SAXO4: variants seen among roughly 807,000 people sequenced by gnomAD.
The protein encoded by SAXO4 is protein phosphatase 1 regulatory subunit 32.
At chr11:61,481,367 G>A in the SAXO4 span, among the ~76,000 whole-genome samples, 1 of 152,168 alleles carries the variant, frequency 6.6e-6, no homozygotes, top group Non-Finnish European at 1.5e-5. Context: ...GACTTCTTGG[G>A]TGGGGGCCAA....
At chr11:61,481,684 G>A in the SAXO4 span, 1 of 544,030 alleles carries the variant, frequency 1.8e-6, no homozygotes. Context: ...TGGGAGAAGG[G>A]GCCAGCTGCG....
chr11:61,484,404 C>T, the SAXO4 span, among the ~76,000 whole-genome samples: 6 of 152,310 alleles, frequency 3.9e-5, no homozygotes, highest in Non-Finnish European at 4.4e-5. Context: ...GCAGTGCCAA[C>T]AGCAAGTGCA....
the SAXO4 span, chr11:61,482,657 A>T: frequency 5.0e-6 from 8 of 1,613,812 alleles, no homozygotes; most frequent in Non-Finnish European, 6.8e-6. Context: ...ACCCTCAGGG[A>T]ACAAGCCCAG....
chr11:61,490,767 AC>A, the SAXO4 span: 4 of 608,194 alleles, frequency 6.6e-6, no homozygotes, highest in Non-Finnish European at 1.2e-5. Context: ...ACACAGAACC[AC>A]CCCAGAGCCC....
the SAXO4 span, chr11:61,486,448 A>G: frequency 1.2e-6 from 2 of 1,613,450 alleles, no homozygotes; most frequent in Non-Finnish European, 1.7e-6. Flanking sequence ...GGCGGGGAGC[A>G]GTTAGAACAT....
the SAXO4 span, chr11:61,484,719 A>T: frequency 6.2e-7 from 1 of 1,613,754 alleles, no homozygotes; most frequent in South Asian, 1.1e-5. Flanking sequence ...ACCCAGGAGC[A>T]CGGGCCTCAG....
At chr11:61,481,737 G>A in the SAXO4 span, 12 of 840,646 alleles carry the variant, frequency 1.4e-5, no homozygotes, top group East Asian at 2.8e-4. Flanking sequence ...GTGGGCTTCC[G>A]AGCCAGGCTT....
chr11:61,481,770 C>T, the SAXO4 span: 1 of 1,246,620 alleles, frequency 8.0e-7, no homozygotes, highest in Non-Finnish European at 1.1e-6. Flanking sequence ...GCTCCCCGTG[C>T]TTCCTTTCTA....
chr11:61,482,818 G>A, the SAXO4 span: 2 of 1,590,838 alleles, frequency 1.3e-6, no homozygotes, highest in South Asian at 2.3e-5. Flanking sequence ...GGTCAGTGCT[G>A]GGCCAGGGCC....
the SAXO4 span, among the ~76,000 whole-genome samples, chr11:61,481,628 G>A: frequency 2.0e-5 from 3 of 152,210 alleles, no homozygotes; most frequent in South Asian, 2.1e-4. Flanking sequence ...GATCGGTTTC[G>A]TCCTTAGTTT....
chr11:61,487,759 C>T, the SAXO4 span, among the ~76,000 whole-genome samples: 1 of 152,176 alleles, frequency 6.6e-6, no homozygotes, highest in African/African-American at 2.4e-5. Flanking sequence ...TCTGGAGCAG[C>T]AGCATCTGCT....
the SAXO4 span, among the ~76,000 whole-genome samples, chr11:61,488,458 C>T: frequency 6.6e-6 from 1 of 152,050 alleles, no homozygotes; most frequent in Non-Finnish European, 1.5e-5. Flanking sequence ...GCGCCTGCCA[C>T]CACGCCCGGC....
At chr11:61,481,194 C>T in the SAXO4 span, 1 of 152,366 alleles carries the variant, frequency 6.6e-6, no homozygotes, top group African/African-American at 2.4e-5. Flanking sequence ...TCTCCCCGAC[C>T]TCAGAGCCTC....
chr11:61,482,823 A>G, the SAXO4 span: 2 of 1,583,116 alleles, frequency 1.3e-6, no homozygotes, highest in South Asian at 2.3e-5. Flanking sequence ...GTGCTGGGCC[A>G]GGGCCAGGAG....
the SAXO4 span, chr11:61,481,961 A>C: frequency 3.0e-6 from 4 of 1,327,254 alleles, no homozygotes; most frequent in Non-Finnish European, 4.2e-6. Flanking sequence ...GGACATGGGC[A>C]GGAAGGGAGG....
chr11:61,483,368 G>A, the SAXO4 span, among the ~76,000 whole-genome samples: 6 of 151,498 alleles, frequency 4.0e-5, no homozygotes, highest in African/African-American at 1.2e-4. Flanking sequence ...GGGTTTCACC[G>A]TGTTAGCCAG....
the SAXO4 span, chr11:61,485,836 G>A: frequency 6.2e-7 from 1 of 1,613,922 alleles, no homozygotes; most frequent in African/African-American, 1.3e-5. Context: ...CAAAGGAGGG[G>A]AGTGGCTTCA....
At chr11:61,488,301 CTTTTTT>C in the SAXO4 span, among the ~76,000 whole-genome samples, 7 of 107,400 alleles carry the variant, frequency 6.5e-5, no homozygotes, top group East Asian at 5.6e-4. Flanking sequence ...AGTACAATTC[CTTTTTT>C]TTTTTTTTTT....
chr11:61,489,593 G>A, the SAXO4 span: 1 of 631,078 alleles, frequency 1.6e-6, no homozygotes, highest in Non-Finnish European at 2.8e-6. Context: ...TCAGCGTCAG[G>A]TGGAGGGGAG....
Sources: gnomAD v4.1 joint callset for allele counts (sites outside exome capture counted in the v4.1 genomes callset) on GRCh38, gnomAD v4.1.1 for gene constraint, MANE v1.5 for transcripts, NCBI Gene and HGNC (gene_info 2026-07-23, HGNC 2026-07-21) for gene names.